NRG3: variants seen among roughly 807,000 people sequenced by gnomAD.
NRG3 encodes pro-neuregulin-3, membrane-bound isoform.
In NRG3, 31 loss-of-function variants were observed where a neutral mutation model predicts 66.9. That is an observed-to-expected ratio of 0.46 (90% CI 0.35 to 0.63). The LOEUF (loss-of-function observed/expected upper bound fraction) is 0.63. Among genes scored for constraint, NRG3 ranks in the 20% least tolerant of loss-of-function variants. NRG3 has a pLI of 0.00. For missense variants in NRG3, 910 were observed against 878.9 expected, an observed-to-expected ratio of 1.04 and a Z score of -0.45; for synonymous variants, 393 against 359.4, an observed-to-expected ratio of 1.09 and a Z score of -1.06.
At chr10:82,961,262 G>A (rs1328794099) in intron 6 of NRG3, among the ~76,000 whole-genome samples, 2 of 152,128 alleles carry the variant, frequency 1.3e-5, no homozygotes, top group Admixed American at 6.5e-5. Flanking sequence ...AAAATCAATA[G>A]ACATACAACC....
At chr10:82,257,490 C>G (rs2077793775) in intron 1 of NRG3, among the ~76,000 whole-genome samples, 2 of 152,122 alleles carry the variant, frequency 1.3e-5, no homozygotes, top group African/African-American at 2.4e-5. Flanking sequence ...GAATTCTAGG[C>G]CGAGCGTGGT....
chr10:81,991,877 C>T (rs1245663684), intron 1 of NRG3, among the ~76,000 whole-genome samples: 1 of 151,896 alleles, frequency 6.6e-6, no homozygotes, highest in East Asian at 1.9e-4. Context: ...TATGTAAATT[C>T]CCAAGAACCA....
At chr10:82,665,002 G>A (rs773092218) in intron 2 of NRG3, among the ~76,000 whole-genome samples, 22 of 151,942 alleles carry the variant, frequency 1.4e-4, no homozygotes, top group African/African-American at 9.7e-5. Flanking sequence ...CATATTCTCC[G>A]CCTTCTCACG....
intron 3 of NRG3, among the ~76,000 whole-genome samples, chr10:82,858,347 GT>G (rs1591747931): frequency 1.3e-5 from 2 of 152,022 alleles, no homozygotes; most frequent in Non-Finnish European, 2.9e-5. Flanking sequence ...TAGCTTGCCT[GT>G]TTTGCTGTAA....
chr10:82,571,959 TCTTA>T (rs1353619073), intron 2 of NRG3, among the ~76,000 whole-genome samples: 4 of 151,628 alleles, frequency 2.6e-5, no homozygotes, highest in Admixed American at 6.6e-5. Flanking sequence ...AGGTAATAAC[TCTTA>T]CTTCTCATTT....
At chr10:82,242,238 T>C (rs555702011) in intron 1 of NRG3, among the ~76,000 whole-genome samples, 5 of 152,294 alleles carry the variant, frequency 3.3e-5, no homozygotes, top group African/African-American at 1.2e-4. Flanking sequence ...CAGTTTTGTT[T>C]GTTTTCTATG....
intron 1 of NRG3, among the ~76,000 whole-genome samples, chr10:82,285,532 G>A (rs1282691485): frequency 6.6e-6 from 1 of 152,112 alleles, no homozygotes; most frequent in Admixed American, 6.5e-5. Flanking sequence ...TAATCCATTA[G>A]ACAGCATTAT....
chr10:82,969,428 A>T (rs1851527856), intron 6 of NRG3, among the ~76,000 whole-genome samples: 1 of 152,204 alleles, frequency 6.6e-6, no homozygotes, highest in South Asian at 2.1e-4. Context: ...GCACACATAG[A>T]GGTATTTCCA....
intron 2 of NRG3, among the ~76,000 whole-genome samples, chr10:82,418,385 AGTTTATGCAAAT>A (rs1330166239): frequency 2.1e-5 from 3 of 145,774 alleles, no homozygotes; most frequent in African/African-American, 5.1e-5. Flanking sequence ...AAAATTAACC[AGTTTATGCAAAT>A]GTTTATGCAA....
At chr10:82,259,906 T>A (rs962861511) in intron 1 of NRG3, among the ~76,000 whole-genome samples, 1 of 151,608 alleles carries the variant, frequency 6.6e-6, no homozygotes, top group Non-Finnish European at 1.5e-5. Flanking sequence ...CACTCCAACC[T>A]GGGTGACAGG....
At chr10:82,302,458 G>A (rs1392810815) in intron 1 of NRG3, among the ~76,000 whole-genome samples, 1 of 151,972 alleles carries the variant, frequency 6.6e-6, no homozygotes, top group Admixed American at 6.6e-5. Flanking sequence ...AGTATACTTT[G>A]TATAAACTAT....
chr10:82,158,690 T>G (rs981078056), intron 1 of NRG3, among the ~76,000 whole-genome samples: 1 of 151,940 alleles, frequency 6.6e-6, no homozygotes, highest in African/African-American at 2.4e-5. Context: ...AGATCATTCC[T>G]TTGGGCTTAT....
In NRG3 at chr10:82,205,553, C is replaced by A. The variant is rs185440407; in HGVS notation, c.824-153186C>A. ...TCAAAGACAGTCCAGGAAGGAGGTT[C>A]AAAAAAGAAGACATGGACAGAAGTA... On this transcript the variant is annotated intron_variant, in intron 1 of 8. Transcript: ENST00000372141. Among the ~76,000 whole-genome samples the A allele has an allele frequency of 1.0e-3, 159 of 152,106 alleles. 1 individual carries two copies. The highest frequency in any genetic ancestry group is 3.4e-3 in the Middle Eastern group (1 of 294).
chr10:82,429,912 C>T (rs1435283434), intron 2 of NRG3, among the ~76,000 whole-genome samples: 1 of 152,148 alleles, frequency 6.6e-6, no homozygotes, highest in African/African-American at 2.4e-5. Flanking sequence ...GCTGCCAACA[C>T]CTTCTTGTGA....
intron 1 of NRG3, among the ~76,000 whole-genome samples, chr10:82,090,314 C>A (rs527781721): frequency 1.1e-4 from 16 of 152,282 alleles, no homozygotes; most frequent in African/African-American, 3.8e-4. Flanking sequence ...AATTAGAGTA[C>A]ACTGTTTTAT....
At chr10:82,565,761 C>G (rs1055109245) in intron 2 of NRG3, among the ~76,000 whole-genome samples, 1 of 151,970 alleles carries the variant, frequency 6.6e-6, no homozygotes, top group Non-Finnish European at 1.5e-5. Context: ...ACTATTTCAC[C>G]ACCTTCTAAT....
chr10:82,597,357 A>G (rs925381579), intron 2 of NRG3, among the ~76,000 whole-genome samples: 4 of 152,236 alleles, frequency 2.6e-5, no homozygotes, highest in African/African-American at 9.6e-5. Context: ...AGGAAAGAAC[A>G]GATAATTATT....
intron 1 of NRG3, among the ~76,000 whole-genome samples, chr10:82,028,600 C>A: frequency 6.6e-6 from 1 of 152,056 alleles, no homozygotes; most frequent in Admixed American, 6.6e-5. Context: ...TTGGGCTTCT[C>A]TGACCTGGCA....
intron 2 of NRG3, among the ~76,000 whole-genome samples, chr10:82,570,424 T>C (rs2045658970): frequency 6.6e-6 from 1 of 151,802 alleles, no homozygotes; most frequent in Admixed American, 6.6e-5. Context: ...TTGGAGACTT[T>C]GAGTTTCCTG....
Sources: gnomAD v4.1 joint callset for allele counts (sites outside exome capture counted in the v4.1 genomes callset) on GRCh38, gnomAD v4.1.1 for gene constraint, MANE v1.5 for transcripts, NCBI Gene and HGNC (gene_info 2026-07-23, HGNC 2026-07-21) for gene names.